The following TENM2 variants were observed in gnomAD, a reference collection of about 807,000 sequenced individuals.
TENM2 encodes teneurin-2.
A neutral mutation model predicts 245.2 loss-of-function variants in TENM2; 52 were observed. The observed-to-expected ratio is 0.21, with a 90% CI of 0.17 to 0.27. The LOEUF (loss-of-function observed/expected upper bound fraction) is 0.27, where lower values mean the gene tolerates loss of function less well. Among genes scored for constraint, TENM2 ranks in the 10% least tolerant of loss-of-function variants. TENM2 has a pLI of 1.00. For missense variants in TENM2, 3,046 were observed against 3,666.8 expected, an observed-to-expected ratio of 0.83 and a Z score of 4.37; for synonymous variants, 1,363 against 1,438.9, an observed-to-expected ratio of 0.95 and a Z score of 1.19.
chr5:168,130,438 T>C (rs1302577877), intron 12 of TENM2: 1 of 152,242 alleles, frequency 6.6e-6, no homozygotes, highest in Non-Finnish European at 1.5e-5. Context: ...AATTCATGTG[T>C]ATCTTTGGAA....
intron 2 of TENM2, among the ~76,000 whole-genome samples, chr5:167,606,047 G>A (rs147812389): frequency 2.0e-5 from 3 of 152,214 alleles, no homozygotes; most frequent in Non-Finnish European, 4.4e-5. Context: ...GTTAGAGCCC[G>A]GACTAAAACT....
At chr5:167,349,375 T>C (rs762395279) in intron 1 of TENM2, among the ~76,000 whole-genome samples, 25 of 152,122 alleles carry the variant, frequency 1.6e-4, no homozygotes, top group Non-Finnish European at 2.4e-4. Flanking sequence ...ATACCCAAGG[T>C]CCCAGAGCTA....
At chr5:167,779,816 T>G (rs1764066320) in intron 2 of TENM2, among the ~76,000 whole-genome samples, 1 of 152,212 alleles carries the variant, frequency 6.6e-6, no homozygotes, top group Non-Finnish European at 1.5e-5. Flanking sequence ...GCTGACAAAT[T>G]CTGTCCTGTT....
intron 2 of TENM2, among the ~76,000 whole-genome samples, chr5:167,848,684 T>C (rs1770284918): frequency 6.6e-6 from 1 of 152,230 alleles, no homozygotes; most frequent in African/African-American, 2.4e-5. Flanking sequence ...TGGGTAGTTG[T>C]TGAGACATTG....
intron 5 of TENM2, among the ~76,000 whole-genome samples, chr5:168,014,581 A>T (rs1162971783): frequency 6.6e-6 from 1 of 152,208 alleles, no homozygotes; most frequent in African/African-American, 2.4e-5. Flanking sequence ...TTGCTGCCTT[A>T]GAAACGCAAA....
the TENM2 span, among the ~76,000 whole-genome samples, chr5:167,255,531 G>T: frequency 3.9e-5 from 6 of 152,070 alleles, no homozygotes; most frequent in African/African-American, 1.4e-4. Flanking sequence ...ATAAACTCCT[G>T]CCCTCTTTTC....
At chr5:167,880,133 A>G (rs2151405021) in intron 3 of TENM2, among the ~76,000 whole-genome samples, 1 of 152,184 alleles carries the variant, frequency 6.6e-6, no homozygotes, top group African/African-American at 2.4e-5. Flanking sequence ...CCCAGGTTCA[A>G]GTGATTCTCA....
chr5:167,657,069 A>G (rs900929870), intron 2 of TENM2, among the ~76,000 whole-genome samples: 1 of 151,630 alleles, frequency 6.6e-6, no homozygotes, highest in Non-Finnish European at 1.5e-5. Context: ...TTCTTCCTAT[A>G]TAGCTGTTAT....
chr5:168,263,482 A>C (rs904354802), downstream of TENM2: 5 of 152,618 alleles, frequency 3.3e-5, no homozygotes, highest in African/African-American at 7.2e-5. Flanking sequence ...AATACTTTTT[A>C]AAGAAAAAAA....
chr5:167,238,175 A>G, the TENM2 span, among the ~76,000 whole-genome samples: 4 of 152,202 alleles, frequency 2.6e-5, no homozygotes. Flanking sequence ...TATATTTTCC[A>G]TAAGAGCGTT....
chr5:168,067,335 C>T (rs1790596458), intron 7 of TENM2, among the ~76,000 whole-genome samples: 2 of 152,128 alleles, frequency 1.3e-5, no homozygotes, highest in African/African-American at 4.8e-5. Flanking sequence ...ATTATCCACA[C>T]ATTAAACTCA....
At chr5:168,082,237 T>C (rs1792068776) in intron 7 of TENM2, among the ~76,000 whole-genome samples, 1 of 152,258 alleles carries the variant, frequency 6.6e-6, no homozygotes, top group African/African-American at 2.4e-5. Context: ...TACTGAAGCT[T>C]GTGCATGCGT....
chr5:167,391,290 G>C (rs1046254508), intron 2 of TENM2, among the ~76,000 whole-genome samples: 2 of 152,052 alleles, frequency 1.3e-5, no homozygotes, highest in Non-Finnish European at 2.9e-5. Flanking sequence ...AGAGTATACA[G>C]AACTTGATGA....
chr5:168,082,868 G>A (rs1159407462), intron 7 of TENM2, among the ~76,000 whole-genome samples: 3 of 152,192 alleles, frequency 2.0e-5, no homozygotes, highest in Non-Finnish European at 4.4e-5. Context: ...CCCCTACTGG[G>A]AGGTGTCTCC....
chr5:167,623,822 G>T (rs1291616315), intron 2 of TENM2, among the ~76,000 whole-genome samples: 1 of 151,918 alleles, frequency 6.6e-6, no homozygotes. Context: ...ATCCCTTTTG[G>T]GAGATTTGAA....
intron 2 of TENM2, among the ~76,000 whole-genome samples, chr5:167,749,924 T>C (rs995911812): frequency 6.6e-6 from 1 of 152,180 alleles, no homozygotes; most frequent in Non-Finnish European, 1.5e-5. Context: ...GATCTGGAAC[T>C]GGCTCAATCT....
chr5:167,007,434 A>T, the TENM2 span, among the ~76,000 whole-genome samples: 1 of 152,218 alleles, frequency 6.6e-6, no homozygotes, highest in Non-Finnish European at 1.5e-5. This position sits in a 1 kb window ranked among gnomAD's most constrained non-coding sequence, Gnocchi z 4.2. Flanking sequence ...TACCTTATAA[A>T]TGCAATGCAC....
chr5:167,477,468 A>G (rs1384769452), intron 2 of TENM2, among the ~76,000 whole-genome samples: 3 of 152,184 alleles, frequency 2.0e-5, no homozygotes, highest in African/African-American at 7.2e-5. Context: ...ATGCTTGAGG[A>G]ACCATTAACA....
intron 1 of TENM2, among the ~76,000 whole-genome samples, chr5:167,299,520 G>C (rs907641221): frequency 2.2e-4 from 34 of 152,150 alleles, no homozygotes; most frequent in Admixed American, 2.1e-3. Context: ...AGAAGTAGTA[G>C]AACAGCAGAT....
Sources: gnomAD v4.1 joint callset for allele counts (sites outside exome capture counted in the v4.1 genomes callset) on GRCh38, gnomAD v4.1.1 for gene constraint, Gnocchi (gnomAD v3.1) non-coding constraint, MANE v1.5 for transcripts, NCBI Gene and HGNC (gene_info 2026-07-23, HGNC 2026-07-21) for gene names.